The following ZSWIM5 variants were observed in gnomAD, a reference collection of about 807,000 sequenced individuals.
The protein encoded by ZSWIM5 is zinc finger SWIM-type containing 5.
Under a neutral mutation model 119.6 loss-of-function variants are expected in ZSWIM5, and 55 were observed. The ratio of observed to expected loss-of-function variants is 0.46; its 90% CI spans 0.37 to 0.58. The LOEUF (loss-of-function observed/expected upper bound fraction) is 0.58, where lower values mean the gene tolerates loss of function less well. Ranked by LOEUF, ZSWIM5 falls within the 20% of genes least tolerant of loss-of-function variation. ZSWIM5 has a pLI of 0.00. For missense variants in ZSWIM5, 1,193 were observed against 1,512.8 expected (o/e 0.79, Z 3.51); for synonymous variants, 537 against 606.9 (o/e 0.88, Z 1.69).
intron 5 of ZSWIM5, among the ~76,000 whole-genome samples, chr1:45,047,008 A>C (rs980254871): frequency 8.7e-6 from 1 of 115,396 alleles, no homozygotes; most frequent in Non-Finnish European, 1.8e-5. Flanking sequence ...TGGGCAACGA[A>C]CTCTGTCTCA....
At chr1:45,062,366 T>C (rs926447706) in intron 2 of ZSWIM5, among the ~76,000 whole-genome samples, 1 of 152,238 alleles carries the variant, frequency 6.6e-6, no homozygotes, top group Non-Finnish European at 1.5e-5. Flanking sequence ...TTTTTTGTAG[T>C]ATATCTTATT....
intron 1 of ZSWIM5, among the ~76,000 whole-genome samples, chr1:45,192,276 ACT>A (rs1410301914): frequency 6.6e-6 from 1 of 152,068 alleles, no homozygotes; most frequent in East Asian, 1.9e-4. Flanking sequence ...CAGAACAGTA[ACT>A]CTTCATTTCT....
intron 1 of ZSWIM5, among the ~76,000 whole-genome samples, chr1:45,099,677 G>A (rs1645426130): frequency 6.6e-6 from 1 of 152,156 alleles, no homozygotes. Flanking sequence ...GAATCCAGCA[G>A]CACATCAAAA....
At chr1:45,175,844 C>T (rs1313175569) in intron 1 of ZSWIM5, among the ~76,000 whole-genome samples, 1 of 151,172 alleles carries the variant, frequency 6.6e-6, no homozygotes, top group East Asian at 1.9e-4. Flanking sequence ...TATTTTGACA[C>T]TCAATTCATC....
chr1:45,077,791 T>C (rs1645264510), intron 2 of ZSWIM5, among the ~76,000 whole-genome samples: 1 of 152,176 alleles, frequency 6.6e-6, no homozygotes, highest in Non-Finnish European at 1.5e-5. Flanking sequence ...GTGCACATCC[T>C]CTTTCTCAGG....
chr1:45,119,207 T>C (rs1645576989), intron 1 of ZSWIM5, among the ~76,000 whole-genome samples: 1 of 152,142 alleles, frequency 6.6e-6, no homozygotes, highest in South Asian at 2.1e-4. Context: ...AGACCATTTT[T>C]TTCCACCCAT....
At chr1:45,111,662 G>GC (rs1645519390) in intron 1 of ZSWIM5, among the ~76,000 whole-genome samples, 1 of 152,176 alleles carries the variant, frequency 6.6e-6, no homozygotes. Flanking sequence ...TTGGCTCATA[G>GC]CCCCTTCCTC....
At chr1:45,153,216 A>G (rs1160179602) in intron 1 of ZSWIM5, among the ~76,000 whole-genome samples, 1 of 151,480 alleles carries the variant, frequency 6.6e-6, no homozygotes, top group Non-Finnish European at 1.5e-5. Flanking sequence ...CAGCTTGGAG[A>G]TTTCTCAAAG....
At chr1:45,188,333 A>G (rs980121193) in intron 1 of ZSWIM5, among the ~76,000 whole-genome samples, 5 of 152,236 alleles carry the variant, frequency 3.3e-5, no homozygotes, top group African/African-American at 1.2e-4. Flanking sequence ...AAGTGAAAGA[A>G]GCCAGTCACA....
At chr1:45,202,732 AT>A (rs1268013520) in intron 1 of ZSWIM5, among the ~76,000 whole-genome samples, 4 of 151,946 alleles carry the variant, frequency 2.6e-5, no homozygotes, top group Admixed American at 6.6e-5. Context: ...AAAACTGTTA[AT>A]TTTTTTTCCT....
chr1:45,138,109 C>G (rs771164909), intron 1 of ZSWIM5, among the ~76,000 whole-genome samples: 9 of 152,020 alleles, frequency 5.9e-5, no homozygotes, highest in Non-Finnish European at 8.8e-5. Flanking sequence ...ACAAGTGACC[C>G]CTAACAACAT....
intron 2 of ZSWIM5, chr1:45,070,176 A>G (rs1645212692): frequency 7.6e-7 from 1 of 1,323,508 alleles, no homozygotes; most frequent in East Asian, 2.3e-5. Context: ...AAGTCCTTCC[A>G]TAATATACTG....
chr1:45,146,999 C>A (rs1003353575), intron 1 of ZSWIM5, among the ~76,000 whole-genome samples: 5 of 152,022 alleles, frequency 3.3e-5, no homozygotes, highest in African/African-American at 1.2e-4. Context: ...GGTTTCCCCA[C>A]GTCCCAATGG....
In ZSWIM5 at chr1:45,061,372, CT is replaced by C. The variant is rs34346997; in HGVS notation, c.953-1126del. 6.4e-3 allele frequency among the ~76,000 whole-genome samples: 910 copies of C among 143,290 alleles called. 5 individuals are homozygous for C. Among genetic ancestry groups the C allele is most frequent in the East Asian group, 0.02 (94 of 4,742 alleles). The allele number at this position is 143,290 out of a possible 152,430, so 94.0% of individuals were successfully genotyped here. A position where few individuals can be genotyped will look rare whatever the true frequency, so the allele number is the denominator to read the frequency against. ...AATGTAATGTTTTAATCTATGCATA[CT>C]TTTTTTTTTTTTTTTGAGACAGAGT... On this transcript the variant is annotated intron_variant, in intron 2 of 13. Transcript: ENST00000359600.
intron 11 of ZSWIM5, among the ~76,000 whole-genome samples, chr1:45,024,766 T>C (rs1463035883): frequency 1.3e-5 from 2 of 152,178 alleles, no homozygotes; most frequent in Non-Finnish European, 2.9e-5. Flanking sequence ...GATATTCTCC[T>C]GTCTCAGCCT....
rs1310182760 is a variant in ZSWIM5, at chr1:45,088,423, T to C, written c.596-186A>G. Among the ~76,000 whole-genome samples the C allele has an allele frequency of 6.6e-6, 1 of 152,080 alleles. No homozygotes were observed. Among genetic ancestry groups the C allele is most frequent in the Non-Finnish European group, 1.5e-5 (1 of 68,010 alleles). On this transcript the variant is annotated intron_variant, in intron 1 of 13. Coordinates refer to ENST00000359600, the MANE Select transcript of ZSWIM5 (RefSeq NM_020883.2). The surrounding 1 kb of genome is among the most constrained non-coding windows in gnomAD (Gnocchi z 4.2). ...GTTACTGCTCTGAAGAAACACACAA[T>C]ATAGAAAGAGTCCTCACCCTGGAGT... is the stretch of plus-strand genomic sequence containing the variant.
chr1:45,116,121 G>A (rs1225823694), intron 1 of ZSWIM5, among the ~76,000 whole-genome samples: 1 of 152,098 alleles, frequency 6.6e-6, no homozygotes, highest in East Asian at 1.9e-4. Flanking sequence ...GAGACAGAGA[G>A]GGAGGGGGAG....
At chr1:45,114,969 CATAGATCAACA>C (rs1394950928) in intron 1 of ZSWIM5, among the ~76,000 whole-genome samples, 1 of 152,224 alleles carries the variant, frequency 6.6e-6, no homozygotes, top group African/African-American at 2.4e-5. Context: ...GGGGTAAGGT[CATAGATCAACA>C]GCATCCCAAG....
intron 1 of ZSWIM5, among the ~76,000 whole-genome samples, chr1:45,109,726 C>T (rs1158278727): frequency 7.1e-6 from 1 of 140,028 alleles, no homozygotes; most frequent in Non-Finnish European, 1.5e-5. Context: ...TCCTGGGCGA[C>T]AGAGCTAGAC....
Sources: gnomAD v4.1 joint callset for allele counts (sites outside exome capture counted in the v4.1 genomes callset) on GRCh38, gnomAD v4.1.1 for gene constraint, Gnocchi (gnomAD v3.1) non-coding constraint, MANE v1.5 for transcripts, NCBI Gene and HGNC (gene_info 2026-07-23, HGNC 2026-07-21) for gene names.